The following CCDC171 variants were observed in gnomAD, a reference collection of about 807,000 sequenced individuals.
The protein encoded by CCDC171 is coiled-coil domain-containing protein 171.
Under a neutral mutation model 168.2 loss-of-function variants are expected in CCDC171, and 177 were observed. The ratio of observed to expected loss-of-function variants is 1.05; its 90% CI spans 0.93 to 1.19. The LOEUF is 1.19. Among genes scored for constraint, CCDC171 ranks in the 50% most tolerant of loss-of-function variants. CCDC171 has a pLI of 0.00. For synonymous variants in CCDC171, 687 were observed against 540.8 expected, an observed-to-expected ratio of 1.27 and a Z score of -3.75; for missense variants, 1,991 against 1,539.0, an observed-to-expected ratio of 1.29 and a Z score of -4.91.
intron 6 of CCDC171, among the ~76,000 whole-genome samples, chr9:16,031,991 C>G (rs1159977907): frequency 6.6e-6 from 1 of 152,208 alleles, no homozygotes; most frequent in Non-Finnish European, 1.5e-5. Context: ...CTGCTCAACT[C>G]ACAAAATGGT....
At chr9:16,011,337 G>A (rs1832862914) in intron 3 of CCDC171, among the ~76,000 whole-genome samples, 1 of 152,104 alleles carries the variant, frequency 6.6e-6, no homozygotes, top group African/African-American at 2.4e-5. Context: ...GAACAATGCA[G>A]GAAGACAGTC....
intron 23 of CCDC171, among the ~76,000 whole-genome samples, chr9:15,850,838 A>AG (rs1282465956): frequency 6.6e-6 from 1 of 151,982 alleles, no homozygotes; most frequent in Non-Finnish European, 1.5e-5. Context: ...GTAGTATGGA[A>AG]GGAGGGTCCA....
chr9:15,577,773 A>T (rs559236536), intron 3 of CCDC171, among the ~76,000 whole-genome samples: 8 of 152,244 alleles, frequency 5.3e-5, no homozygotes, highest in Non-Finnish European at 8.8e-5. Flanking sequence ...TTAGAGCTAG[A>T]ACTGGACAAA....
chr9:15,895,884 A>G (rs1044066999), intron 24 of CCDC171, among the ~76,000 whole-genome samples: 1 of 151,980 alleles, frequency 6.6e-6, no homozygotes, highest in African/African-American at 2.4e-5. Flanking sequence ...ATTTATTAGT[A>G]TTGGTGTTAT....
chr9:15,729,846 A>AC, intron 16 of CCDC171, 48 bp downstream of exon 16: 3 of 1,501,900 alleles, frequency 2.0e-6, no homozygotes, highest in Non-Finnish European at 2.7e-6. Flanking sequence ...ACTCAGTGTA[A>AC]CCATTAGAAA....
rs758177338 is a variant in CCDC171, at chr9:15,594,106, G to A, written c.609G>A (p.Leu203=). Residue 203 remains leucine (L), a synonymous_variant, in exon 6 of 26, where the codon TTG becomes TTA. Coordinates refer to ENST00000380701, the MANE Select transcript of CCDC171 (RefSeq NM_173550.4). ...EMESHIRETA[L]EEFRLQEEQW... is the part of the protein sequence containing the mutation. ...AGTCTCATATCAGGGAGACAGCATTGGAGGAGTTTAGATTACAAGAAGAAC... is the reference window on the plus strand; with the variant it reads ...AGTCTCATATCAGGGAGACAGCATTAGAGGAGTTTAGATTACAAGAAGAAC... 7.1e-6 allele frequency: 11 copies of A among 1,552,636 alleles called. No homozygotes were observed. In the South Asian group the frequency reaches 1.2e-4, roughly 18 times the overall value.
chr9:16,069,705 C>A, the CCDC171 span, among the ~76,000 whole-genome samples: 8 of 152,178 alleles, frequency 5.3e-5, no homozygotes, highest in East Asian at 1.5e-3. Context: ...TGAGAGGAAA[C>A]CTCTGGAACA....
intron 7 of CCDC171, among the ~76,000 whole-genome samples, chr9:15,627,174 A>T (rs908004362): frequency 6.6e-6 from 1 of 152,002 alleles, no homozygotes; most frequent in Non-Finnish European, 1.5e-5. Context: ...CCCCTTTATC[A>T]TTTTTTGTTG....
the CCDC171 span, among the ~76,000 whole-genome samples, chr9:16,083,707 G>A: frequency 1.3e-5 from 2 of 152,136 alleles, no homozygotes; most frequent in African/African-American, 2.4e-5. Context: ...GAACCTCTTA[G>A]GTTCAGGTGT....
intron 3 of CCDC171, among the ~76,000 whole-genome samples, chr9:15,989,807 C>T (rs1444283171): frequency 3.9e-5 from 6 of 152,062 alleles, no homozygotes; most frequent in Admixed American, 3.3e-4. Context: ...CTGATTCTGT[C>T]AACTGGAGGA....
intron 23 of CCDC171, among the ~76,000 whole-genome samples, chr9:15,868,613 GA>G (rs2061891038): frequency 6.6e-6 from 1 of 151,884 alleles, no homozygotes; most frequent in Non-Finnish European, 1.5e-5. Context: ...CCACTTTTAT[GA>G]AACAAACATT....
chr9:16,008,808 G>A (rs181824821), intron 3 of CCDC171, among the ~76,000 whole-genome samples: 1 of 152,236 alleles, frequency 6.6e-6, no homozygotes, highest in African/African-American at 2.4e-5. Context: ...CATAACACAT[G>A]GTTGGCTATT....
At chr9:15,850,302 A>C (rs2061072067) in intron 23 of CCDC171, 1 of 152,006 alleles carries the variant, frequency 6.6e-6, no homozygotes, top group South Asian at 2.1e-4. Flanking sequence ...AACCATCACC[A>C]ATATGAAATG....
chr9:15,903,467 G>C (rs965852071), intron 24 of CCDC171, among the ~76,000 whole-genome samples: 6 of 151,958 alleles, frequency 3.9e-5, no homozygotes. Context: ...CTTCAGCTGA[G>C]GGTCCTGACT....
At chr9:15,762,528 A>G (rs1219781153) in intron 18 of CCDC171, among the ~76,000 whole-genome samples, 1 of 152,170 alleles carries the variant, frequency 6.6e-6, no homozygotes, top group Non-Finnish European at 1.5e-5. Flanking sequence ...AAAAAATACA[A>G]ATGTTCCTTA....
At chr9:15,733,058 C>A (rs905461460) in intron 16 of CCDC171, among the ~76,000 whole-genome samples, 5 of 152,266 alleles carry the variant, frequency 3.3e-5, no homozygotes, top group East Asian at 3.9e-4. Context: ...ATTTTCCCTA[C>A]TGCCTAATAA....
At chr9:16,024,899 A>G (rs932307518) in intron 6 of CCDC171, among the ~76,000 whole-genome samples, 1 of 152,206 alleles carries the variant, frequency 6.6e-6, no homozygotes, top group Non-Finnish European at 1.5e-5. Flanking sequence ...TGGATAACCA[A>G]TCATCTCAGA....
intron 25 of CCDC171, among the ~76,000 whole-genome samples, chr9:15,950,530 A>G (rs1045448795): frequency 2.0e-5 from 3 of 152,160 alleles, no homozygotes; most frequent in Non-Finnish European, 4.4e-5. Context: ...ACTAAGCTTC[A>G]TAAGTGAAGG....
At chr9:15,959,258 T>C (rs1443184154) in intron 25 of CCDC171, among the ~76,000 whole-genome samples, 1 of 152,184 alleles carries the variant, frequency 6.6e-6, no homozygotes, top group Non-Finnish European at 1.5e-5. Context: ...ATGTGGCCTT[T>C]CCATCCATTT....
Sources: allele counts gnomAD v4.1 joint callset (sites outside exome capture counted in the v4.1 genomes callset), GRCh38; gene constraint gnomAD v4.1.1; transcripts MANE v1.5; gene names NCBI Gene and HGNC (gene_info 2026-07-23, HGNC 2026-07-21).